TNFRSF1B: variants seen among roughly 807,000 people sequenced by gnomAD.
The protein encoded by TNFRSF1B is tumor necrosis factor receptor superfamily member 1B.
In TNFRSF1B, 19 loss-of-function variants were observed where a neutral mutation model predicts 44.6. That is an observed-to-expected ratio of 0.43 (90% CI 0.30 to 0.62). The LOEUF is 0.62. Among genes scored for constraint, TNFRSF1B ranks in the 20% least tolerant of loss-of-function variants. The pLI is 0.16. For missense variants in TNFRSF1B, 541 were observed against 619.9 expected, an observed-to-expected ratio of 0.87 and a Z score of 1.35; for synonymous variants, 252 against 261.1, an observed-to-expected ratio of 0.97 and a Z score of 0.34.
intron 1 of TNFRSF1B, among the ~76,000 whole-genome samples, chr1:12,170,480 G>A (rs1570119561): frequency 6.6e-6 from 1 of 152,360 alleles, no homozygotes; most frequent in East Asian, 1.9e-4. Flanking sequence ...AGGTGACCCT[G>A]CCATCCTGGC....
intron 1 of TNFRSF1B, 95 bp from the exon 2 acceptor site, chr1:12,188,700 GA>G: frequency 8.7e-7 from 1 of 1,145,922 alleles, no homozygotes; most frequent in Non-Finnish European, 1.3e-6. Flanking sequence ...CTGGCAGGGG[GA>G]GGGCCAAACA....
In TNFRSF1B at chr1:12,191,894, GCC is replaced by G; in HGVS notation, c.429_430del (p.Cys143TrpfsTer12). The G allele has an allele frequency of 6.2e-7, 1 of 1,609,808 alleles. No individual in the cohort carries two copies. Among genetic ancestry groups the G allele is most frequent in the East Asian group, 2.2e-5 (1 of 44,814 alleles). On this transcript the variant is annotated frameshift_variant, in exon 4 of 10. Coordinates refer to ENST00000376259, the MANE Select transcript of TNFRSF1B (RefSeq NM_001066.3). LOFTEE classifies it high-confidence loss of function. The stretch of plus-strand genomic sequence containing the variant: ...CGGCTGTGCGCGCCGCTGCGCAAGT[GCC>G]GCCCGGGCTTCGGCGTGGCCAGACC...
At chr1:12,191,135 TC>T (rs765886557) in intron 3 of TNFRSF1B, 50 bp downstream of exon 3, 15 of 1,591,366 alleles carry the variant, frequency 9.4e-6, no homozygotes, top group Admixed American at 1.7e-5. Context: ...GCCTCCAACT[TC>T]CCCCGGCAAC....
Position 12,192,864 on chromosome 1 carries a change from T to C in TNFRSF1B, c.553T>C (p.Cys185Arg). The change falls in exon 6 of 10, where the codon TGT becomes CGT. Residue 185 changes from cysteine (C) to arginine (R), a missense_variant and splice_region_variant. Cys to Arg is a radical substitution (Grantham distance 180, BLOSUM62 -3). Coordinates refer to ENST00000376259, the MANE Select transcript of TNFRSF1B (RefSeq NM_001066.3). ...STDICRPHQICNVVAIPGNAS... is the reference protein window; with the variant it reads ...STDICRPHQIRNVVAIPGNAS... ...TGACCAAGCCTCCTCCTCCTCCAGC[T>C]GTAACGTGGTGGCCATCCCTGGGAA... 6.2e-7 allele frequency: 1 copy of C among 1,612,976 alleles called. No homozygotes were observed. Among genetic ancestry groups the C allele is most frequent in the Non-Finnish European group, 8.5e-7 (1 of 1,179,374 alleles).
chr1:12,206,721 C>G lies in TNFRSF1B; in HGVS notation c.1106-19C>G. The G allele has an allele frequency of 1.3e-6, 2 of 1,552,202 alleles. No homozygotes were observed. Among genetic ancestry groups the G allele is most frequent in the Non-Finnish European group, 1.8e-6 (2 of 1,142,796 alleles). Reference sequence around the variant, plus strand: ...CCTGGACCCCCGGACTGACCCCCACCCCATCTTGTGCTTAGCAGATTCTTC... The same window carrying G: ...CCTGGACCCCCGGACTGACCCCCACGCCATCTTGTGCTTAGCAGATTCTTC... On this transcript the variant is annotated intron_variant, in intron 9 of 9. Transcript: ENST00000376259.
intron 1 of TNFRSF1B, among the ~76,000 whole-genome samples, chr1:12,183,660 C>CTATCTATCTATCTATCTATCTATTG: frequency 3.1e-5 from 2 of 64,820 alleles, no homozygotes; most frequent in Non-Finnish European, 3.0e-5. Flanking sequence ...TCTATTTTAT[C>CTATCTATCTATCTATCTATCTATTG]TATCTATCTA....
At position 12,171,171 on chromosome 1, in the gene TNFRSF1B, T is replaced by G. The variant is rs1336150231; in HGVS notation, c.78+4002T>G. Reference sequence around the variant, plus strand: ...GTGTGTGCCACCATGCCCGGCTAATTTTTCCTTTTTTTTTTTTTTTTTAGT... The same window carrying G: ...GTGTGTGCCACCATGCCCGGCTAATGTTTCCTTTTTTTTTTTTTTTTTAGT... On this transcript the variant is annotated intron_variant, in intron 1 of 9. Transcript: ENST00000376259. This position sits in a 1 kb window ranked among gnomAD's most constrained non-coding sequence, Gnocchi z 4.5. Among the ~76,000 whole-genome samples, 1 of 149,750 alleles carries G rather than the reference T, an allele frequency of 6.7e-6. No individual in the cohort carries two copies. The highest frequency in any genetic ancestry group is 1.5e-5 in the Non-Finnish European group (1 of 67,758).
At chr1:12,181,906 C>T (rs1236041125) in intron 1 of TNFRSF1B, among the ~76,000 whole-genome samples, 1 of 152,224 alleles carries the variant, frequency 6.6e-6, no homozygotes, top group Non-Finnish European at 1.5e-5. Flanking sequence ...AGGGACTGAG[C>T]CTTCGACACC....
In TNFRSF1B at chr1:12,207,399, G is replaced by T; in HGVS notation, c.*379G>T. 1 of 209,260 alleles carries T rather than the reference G, an allele frequency of 4.8e-6. No individual in the cohort carries two copies. Among genetic ancestry groups the T allele is most frequent in the Non-Finnish European group, 9.5e-6 (1 of 105,736 alleles). The allele number at this position is 209,260 out of a possible 1,614,324, so 13.0% of individuals were successfully genotyped here. A position where few individuals can be genotyped will look rare whatever the true frequency, so the allele number is the denominator to read the frequency against. ...TGTTTGTTTGTTTGTTTCTCCCCCTGGGCTCTGCCCCAGCTCTGGCTTCCA... is the reference window on the plus strand; with the variant it reads ...TGTTTGTTTGTTTGTTTCTCCCCCTTGGCTCTGCCCCAGCTCTGGCTTCCA... On this transcript the variant is annotated 3_prime_UTR_variant, in exon 10 of 10. Transcript: ENST00000376259.
At chr1:12,183,740 T>TAG (rs1638894437) in intron 1 of TNFRSF1B, among the ~76,000 whole-genome samples, 4 of 131,088 alleles carry the variant, frequency 3.1e-5, no homozygotes, top group Non-Finnish European at 6.9e-5. Context: ...TATCTATCTA[T>TAG]CTATCTATCT....
intron 1 of TNFRSF1B, among the ~76,000 whole-genome samples, chr1:12,183,833 A>G (rs1638911377): frequency 1.3e-5 from 2 of 149,586 alleles, no homozygotes; most frequent in Admixed American, 6.7e-5. Context: ...CTACCTATCT[A>G]TCTATCTATC....
intron 2 of TNFRSF1B, among the ~76,000 whole-genome samples, chr1:12,189,593 G>A (rs931009519): frequency 1.3e-5 from 2 of 152,178 alleles, no homozygotes; most frequent in African/African-American, 4.8e-5. Context: ...ATGATTATAA[G>A]GTATCTGCTG....
In TNFRSF1B at chr1:12,186,773, C is replaced by T. The variant is rs1043260517; in HGVS notation, c.79-2023C>T. ...TGACCTCCTAGAACTGCCCTTTGTT[C>T]ATTTCCAGGTGACGCATCTGTGGGG... On this transcript the variant is annotated intron_variant, in intron 1 of 9. Coordinates refer to ENST00000376259, the MANE Select transcript of TNFRSF1B (RefSeq NM_001066.3). The surrounding 1 kb of genome is among the most constrained non-coding windows in gnomAD (Gnocchi z 4.8). Among the ~76,000 whole-genome samples, 4 of 152,228 alleles carry T rather than the reference C, an allele frequency of 2.6e-5. No individual in the cohort carries two copies. Among genetic ancestry groups the T allele is most frequent in the African/African-American group, 9.6e-5 (4 of 41,462 alleles).
chr1:12,196,641 C>G (rs1444404141), intron 8 of TNFRSF1B, among the ~76,000 whole-genome samples: 8 of 152,234 alleles, frequency 5.3e-5, no homozygotes. Context: ...TGCTCAAGGT[C>G]GCACCGCAGT....
chr1:12,192,795 G>T (rs1370827128), intron 5 of TNFRSF1B, 68 bp from the exon 6 acceptor site: 1 of 1,392,780 alleles, frequency 7.2e-7, no homozygotes. Flanking sequence ...TGGGGCCCGT[G>T]AATGAGCCCA....
Position 12,174,122 on chromosome 1 carries a change from TTTCTTCTTCTTCTTCTTCTTCTTC to T in TNFRSF1B, c.78+6973_78+6996del, listed in dbSNP as rs541359943. On this transcript the variant is annotated intron_variant, in intron 1 of 9. Coordinates refer to ENST00000376259, the MANE Select transcript of TNFRSF1B (RefSeq NM_001066.3). ...GCCACTCTGCATCTCTGAGACTCCA[TTTCTTCTTCTTCTTCTTCTTCTTC>T]TTCTTCTTCTTCTTCTTCTCCTTCT... Among the ~76,000 whole-genome samples the T allele has an allele frequency of 4.8e-4, 32 of 66,666 alleles. 1 individual carries two copies. Among genetic ancestry groups the T allele is most frequent in the Admixed American group, 2.2e-3 (16 of 7,168 alleles). The allele number at this position is 66,666 out of a possible 152,430, so 43.7% of individuals were successfully genotyped here. A position where few individuals can be genotyped will look rare whatever the true frequency, so the allele number is the denominator to read the frequency against.
rs377158079 is a variant in TNFRSF1B, at chr1:12,187,702, C to T, written c.79-1094C>T. ...TGGGAAGTCTTGCTGAGACCACACA[C>T]CTGTCTCAGGTAGGGTCTTCCAGAA... On this transcript the variant is annotated intron_variant, in intron 1 of 9. Transcript: ENST00000376259. The surrounding 1 kb of genome is among the most constrained non-coding windows in gnomAD (Gnocchi z 5.5). Among the ~76,000 whole-genome samples, 45 of 152,338 alleles carry T rather than the reference C, an allele frequency of 3.0e-4. No homozygotes were observed. Among genetic ancestry groups the T allele is most frequent in the African/African-American group, 1.1e-3 (44 of 41,580 alleles).
At chr1:12,191,969 C>T (rs1320077468) in intron 4 of TNFRSF1B, 46 bp downstream of exon 4, 7 of 1,584,456 alleles carry the variant, frequency 4.4e-6, no homozygotes, top group South Asian at 2.3e-5. Context: ...TGGGCCTCTC[C>T]TTTGTAGACA....
chr1:12,203,749 C>G (rs1049201564), intron 9 of TNFRSF1B, among the ~76,000 whole-genome samples: 1 of 152,054 alleles, frequency 6.6e-6, no homozygotes, highest in African/African-American at 2.4e-5. Context: ...AATGGGGTCT[C>G]GCTCGTCGCC....
Sources: gnomAD v4.1 joint callset for allele counts (sites outside exome capture counted in the v4.1 genomes callset) on GRCh38, gnomAD v4.1.1 for gene constraint, Gnocchi (gnomAD v3.1) non-coding constraint, MANE v1.5 for transcripts, NCBI Gene and HGNC (gene_info 2026-07-23, HGNC 2026-07-21) for gene names.